UBE2E1: variants seen among roughly 807,000 people sequenced by gnomAD.
The protein encoded by UBE2E1 is ubiquitin conjugating enzyme E2 E1.
In UBE2E1, 6 loss-of-function variants were observed where a neutral mutation model predicts 21.4. The ratio of observed to expected loss-of-function variants is 0.28; its 90% CI spans 0.15 to 0.55. UBE2E1 has a LOEUF of 0.55. UBE2E1 is among the 20% of genes least tolerant of loss of function. UBE2E1 has a pLI of 0.93. For missense variants in UBE2E1, 142 were observed against 236.5 expected, an observed-to-expected ratio of 0.60 and a Z score of 2.62; for synonymous variants, 87 against 82.7, an observed-to-expected ratio of 1.05 and a Z score of -0.28.
Position 23,842,045 on chromosome 3 carries a change from CAG to C in UBE2E1, c.203+30537_203+30538del, listed in dbSNP as rs1477995613. Among the ~76,000 whole-genome samples the C allele has an allele frequency of 6.6e-6, 1 of 152,052 alleles. No individual in the cohort carries two copies. The highest frequency in any genetic ancestry group is 1.5e-5 in the Non-Finnish European group (1 of 68,010). ...TATCCTAGTGATTGTTACACTGAAT[CAG>C]AAAATGCATTTACCTTAAAACCTTT... is the stretch of plus-strand genomic sequence containing the variant. On this transcript the variant is annotated intron_variant, in intron 3 of 5. Coordinates refer to ENST00000306627, the MANE Select transcript of UBE2E1 (RefSeq NM_003341.5). This position sits in a 1 kb window ranked among gnomAD's most constrained non-coding sequence, Gnocchi z 4.6.
intron 3 of UBE2E1, among the ~76,000 whole-genome samples, chr3:23,886,619 C>T (rs1004764855): frequency 6.6e-6 from 1 of 152,178 alleles, no homozygotes; most frequent in African/African-American, 2.4e-5. Context: ...AGTATAGGCC[C>T]ATGGGTAGGC....
intron 3 of UBE2E1, among the ~76,000 whole-genome samples, chr3:23,856,082 A>G (rs1457701507): frequency 6.6e-6 from 1 of 152,034 alleles, no homozygotes; most frequent in Non-Finnish European, 1.5e-5. Flanking sequence ...CCCAGAGTGC[A>G]GTGGCATGAT....
chr3:23,890,623 T>C lies in UBE2E1; in HGVS notation c.*17T>C, dbSNP rs535558556. On this transcript the variant is annotated 3_prime_UTR_variant, in exon 6 of 6. Coordinates refer to ENST00000306627, the MANE Select transcript of UBE2E1 (RefSeq NM_003341.5). ...GCTACATAAATTGGGGTTTCACAAT[T>C]CTTACATTATTTGTCTGTCACAGAA... 6.2e-7 allele frequency: 1 copy of C among 1,610,456 alleles called. No homozygotes were observed. The highest frequency in any genetic ancestry group is 2.2e-5 in the East Asian group (1 of 44,766).
At chr3:23,807,040 C>G (rs1374813605) in intron 1 of UBE2E1, 197 bp from the exon 2 acceptor site, 1 of 449,308 alleles carries the variant, frequency 2.2e-6, no homozygotes, top group African/African-American at 2.0e-5. Context: ...ACAGCGTTCC[C>G]CACTTGGGGC....
chr3:23,848,774 A>C (rs2125305710), intron 3 of UBE2E1, among the ~76,000 whole-genome samples: 1 of 152,302 alleles, frequency 6.6e-6, no homozygotes, highest in East Asian at 1.9e-4. Flanking sequence ...GGCATCTAAG[A>C]AAGGAAGAGG....
At position 23,823,458 on chromosome 3, in the gene UBE2E1, C is replaced by T. The variant is rs138215388; in HGVS notation, c.203+11948C>T. On this transcript the variant is annotated intron_variant, in intron 3 of 5. Transcript: ENST00000306627. This position sits in a 1 kb window ranked among gnomAD's most constrained non-coding sequence, Gnocchi z 4.2. ...TGTGGAACCACAACTGTTTTGGCTACGTAGGAATTTTGCTCCACAAGTAAT... is the reference window on the plus strand; with the variant it reads ...TGTGGAACCACAACTGTTTTGGCTATGTAGGAATTTTGCTCCACAAGTAAT... Among the ~76,000 whole-genome samples the T allele has an allele frequency of 5.9e-5, 9 of 152,320 alleles. No homozygotes were observed. The East Asian group carries it at 7.7e-4, about 13-fold the overall frequency.
chr3:23,858,588 A>C (rs1241576819), intron 3 of UBE2E1, among the ~76,000 whole-genome samples: 1 of 152,146 alleles, frequency 6.6e-6, no homozygotes, highest in Non-Finnish European at 1.5e-5. Flanking sequence ...CCAAAGTGCT[A>C]GGATTACAGG....
At chr3:23,835,088 C>T (rs775265750) in intron 3 of UBE2E1, among the ~76,000 whole-genome samples, 2 of 152,154 alleles carry the variant, frequency 1.3e-5, no homozygotes, top group Non-Finnish European at 2.9e-5. Flanking sequence ...AACCTGATCA[C>T]CTACTTGAAG....
At chr3:23,811,424 T>C (rs761008482) in intron 2 of UBE2E1, 36 bp from the exon 3 acceptor site, 3 of 1,613,050 alleles carry the variant, frequency 1.9e-6, no homozygotes, top group Non-Finnish European at 2.5e-6. Context: ...GCCTTAATGC[T>C]TCTTGTGTTT....
intron 3 of UBE2E1, among the ~76,000 whole-genome samples, chr3:23,875,259 TG>T (rs1479322673): frequency 2.0e-5 from 3 of 152,202 alleles, no homozygotes; most frequent in Non-Finnish European, 4.4e-5. Context: ...TTACCTAATA[TG>T]GAAACACTGT....
chr3:23,860,362 T>C (rs1700527593), intron 3 of UBE2E1, among the ~76,000 whole-genome samples: 2 of 152,244 alleles, frequency 1.3e-5, no homozygotes, highest in South Asian at 4.1e-4. Flanking sequence ...ATGTTTTAGC[T>C]GGTATGCTTC....
At chr3:23,860,802 T>A (rs912509078) in intron 3 of UBE2E1, among the ~76,000 whole-genome samples, 5 of 152,232 alleles carry the variant, frequency 3.3e-5, no homozygotes, top group African/African-American at 1.2e-4. Flanking sequence ...AAATAGCATG[T>A]ACACTATATT....
At chr3:23,838,948 G>GT (rs1700027804) in intron 3 of UBE2E1, among the ~76,000 whole-genome samples, 1 of 139,438 alleles carries the variant, frequency 7.2e-6, no homozygotes. Flanking sequence ...TTTTTTGTTT[G>GT]TTTTTTAGTG....
chr3:23,882,787 C>G (rs556349600), intron 3 of UBE2E1, among the ~76,000 whole-genome samples: 41 of 152,338 alleles, frequency 2.7e-4, no homozygotes, highest in African/African-American at 9.9e-4. Context: ...GGGTGCTAAG[C>G]CCCTCACTGC....
At position 23,853,572 on chromosome 3, in the gene UBE2E1, G is replaced by A. The variant is rs1700372585; in HGVS notation, c.204-33995G>A. 6.6e-6 allele frequency among the ~76,000 whole-genome samples: 1 copy of A among 152,014 alleles called. No individual in the cohort carries two copies. Among genetic ancestry groups the A allele is most frequent in the Non-Finnish European group, 1.5e-5 (1 of 67,992 alleles). ...TTTTAATATAAGTTTTATGGTTTTAGCTGTTAAATTTAGGTCTCTTCATTT... is the reference window on the plus strand; with the variant it reads ...TTTTAATATAAGTTTTATGGTTTTAACTGTTAAATTTAGGTCTCTTCATTT... On this transcript the variant is annotated intron_variant, in intron 3 of 5. Transcript: ENST00000306627. The surrounding 1 kb of genome is among the most constrained non-coding windows in gnomAD (Gnocchi z 4.1).
At position 23,868,222 on chromosome 3, in the gene UBE2E1, C is replaced by T. The variant is rs72627045; in HGVS notation, c.204-19345C>T. ...GATAGCCCAGACTTAGTATCCCCCC[C>T]ACCTTTCCAAGTCCTTAAAGCATTG... On this transcript the variant is annotated intron_variant, in intron 3 of 5. Transcript: ENST00000306627. 2.8e-3 allele frequency among the ~76,000 whole-genome samples: 425 copies of T among 152,328 alleles called. 4 individuals are homozygous for T. Among genetic ancestry groups the T allele is most frequent in the African/African-American group, 9.5e-3 (393 of 41,578 alleles).
chr3:23,869,718 C>G (rs1700739398), intron 3 of UBE2E1, among the ~76,000 whole-genome samples: 1 of 99,208 alleles, frequency 1.0e-5, no homozygotes, highest in Admixed American at 1.2e-4. Context: ...TAGTGAGACC[C>G]TGTGTCAAAA....
chr3:23,886,970 T>C (rs1295457789), intron 3 of UBE2E1, among the ~76,000 whole-genome samples: 1 of 152,200 alleles, frequency 6.6e-6, no homozygotes, highest in Non-Finnish European at 1.5e-5. Context: ...TCTCAAGTAT[T>C]AGTATTTAGA....
intron 3 of UBE2E1, among the ~76,000 whole-genome samples, chr3:23,830,098 C>A (rs1030928077): frequency 6.6e-6 from 1 of 152,028 alleles, no homozygotes; most frequent in Non-Finnish European, 1.5e-5. Flanking sequence ...ATTATTTTTC[C>A]TTTTTTCTTT....
Sources: gnomAD v4.1 joint callset for allele counts (sites outside exome capture counted in the v4.1 genomes callset) on GRCh38, gnomAD v4.1.1 for gene constraint, Gnocchi (gnomAD v3.1) non-coding constraint, MANE v1.5 for transcripts, NCBI Gene and HGNC (gene_info 2026-07-23, HGNC 2026-07-21) for gene names.